Variants in GPBP1 observed in about 807,000 individuals in gnomAD.
GPBP1 encodes the protein GC-rich promoter binding protein 1.
A neutral mutation model predicts 56.5 loss-of-function variants in GPBP1; 13 were observed. That is an observed-to-expected ratio of 0.23 (90% confidence interval 0.15 to 0.37). The LOEUF is 0.37. Among genes scored for constraint, GPBP1 ranks in the 10% least tolerant of loss-of-function variants. The probability of loss-of-function intolerance (pLI) is 1.00; values close to 1 mark genes in which losing one functional copy is unlikely to be tolerated. For missense variants in GPBP1, 477 were observed against 572.3 expected (o/e 0.83, Z 1.70); for synonymous variants, 204 against 188.9 (o/e 1.08, Z -0.66).
intron 2 of GPBP1, among the ~76,000 whole-genome samples, chr5:57,184,126 G>A (rs913586864): frequency 7.2e-5 from 11 of 151,970 alleles, no homozygotes; most frequent in Non-Finnish European, 4.4e-5. Flanking sequence ...CAGCTACTTG[G>A]GAGGCTGAGG....
intron 8 of GPBP1, 146 bp from the exon 9 acceptor site, chr5:57,249,263 G>T (rs1246999011): frequency 1.8e-6 from 1 of 542,718 alleles, no homozygotes; most frequent in East Asian, 3.2e-5. Flanking sequence ...GAAAAAACAG[G>T]GATAGAACTA....
intron 2 of GPBP1, among the ~76,000 whole-genome samples, chr5:57,212,408 G>A (rs1246402780): frequency 6.6e-6 from 1 of 152,062 alleles, no homozygotes; most frequent in African/African-American, 2.4e-5. Context: ...GACATTTAAT[G>A]CCAATAGAAA....
At position 57,251,011 on chromosome 5, in the gene GPBP1, A is replaced by C. The variant is rs1299187023; in HGVS notation, c.1030A>C (p.Asn344His). The change falls in exon 10 of 12, where the codon AAC (asparagine) becomes CAC (histidine). Residue 344 changes from asparagine to histidine, a missense_variant. Coordinates refer to ENST00000506184, the MANE Select transcript of GPBP1 (RefSeq NM_022913.4). ...TAGTACTCACCAAGAAAGGGATATAAACCGAAACTTCGATGAAAATGAAAT... is the reference window on the plus strand; with the variant it reads ...TAGTACTCACCAAGAAAGGGATATACACCGAAACTTCGATGAAAATGAAAT... ...SNSTHQERDI[N>H]RNFDENEIPQ... is the part of the protein sequence containing the mutation. 6.2e-7 allele frequency: 1 copy of C among 1,613,070 alleles called. No individual in the cohort carries two copies. Among genetic ancestry groups the C allele is most frequent in the Non-Finnish European group, 8.5e-7 (1 of 1,179,512 alleles).
Position 57,246,444 on chromosome 5 carries a change from A to G in GPBP1, c.623A>G (p.Tyr208Cys). Reference sequence around the variant, plus strand: ...AAGAATGGAACTGGTCCAAGTGTTTATAAAGGTTTAGTCCCTAAACCTGCT... The same window carrying G: ...AAGAATGGAACTGGTCCAAGTGTTTGTAAAGGTTTAGTCCCTAAACCTGCT... ...PVKNGTGPSV[Y>C]KGLVPKPAAP... The change falls in exon 7 of 12, where the codon TAT becomes TGT. Residue 208 changes from tyrosine (Y) to cysteine (C), a missense_variant. This residue lies in a region of GPBP1 where 414 missense variants were observed against 458.2 expected (regional missense o/e 0.90). Coordinates refer to ENST00000506184, the MANE Select transcript of GPBP1 (RefSeq NM_022913.4). 1.2e-6 allele frequency: 2 copies of G among 1,613,182 alleles called. No homozygotes were observed. Among genetic ancestry groups the G allele is most frequent in the Non-Finnish European group, 1.7e-6 (2 of 1,179,600 alleles).
chr5:57,202,769 C>G (rs933071554), intron 2 of GPBP1, among the ~76,000 whole-genome samples: 4 of 152,196 alleles, frequency 2.6e-5, no homozygotes, highest in Non-Finnish European at 4.4e-5. Context: ...CAGGAATGCC[C>G]TCTCTTATGC....
At chr5:57,235,547 C>T (rs1412866640) in intron 5 of GPBP1, among the ~76,000 whole-genome samples, 1 of 151,988 alleles carries the variant, frequency 6.6e-6, no homozygotes, top group Non-Finnish European at 1.5e-5. Flanking sequence ...GAAACTTAAA[C>T]ACACTCTTGT....
chr5:57,250,310 T>C (rs1457049152), intron 9 of GPBP1, among the ~76,000 whole-genome samples: 2 of 151,366 alleles, frequency 1.3e-5, no homozygotes, highest in Non-Finnish European at 2.9e-5. Flanking sequence ...GGCCATGACT[T>C]CATTTCTAAA....
intron 2 of GPBP1, among the ~76,000 whole-genome samples, chr5:57,182,777 A>G (rs766430321): frequency 4.8e-5 from 7 of 146,088 alleles, no homozygotes; most frequent in Non-Finnish European, 7.6e-5. Flanking sequence ...TCGACCTCCT[A>G]GGCTCAAGCA....
Position 57,219,078 on chromosome 5 carries a change from T to TA in GPBP1, c.63+4891dup, listed in dbSNP as rs755517180. 9.5e-4 allele frequency among the ~76,000 whole-genome samples: 145 copies of TA among 151,954 alleles called. 1 individual carries two copies. Among genetic ancestry groups the TA allele is most frequent in the Admixed American group, 1.6e-3 (25 of 15,230 alleles). ...AAAATGAGTAAAAATTCATAGACTG[T>TA]AAAAAAGGGATTTGAGGCCGGGCGT... is the stretch of plus-strand genomic sequence containing the variant. On this transcript the variant is annotated intron_variant, in intron 3 of 11. Transcript: ENST00000506184.
chr5:57,208,969 G>C (rs567420405), intron 2 of GPBP1, among the ~76,000 whole-genome samples: 2 of 152,034 alleles, frequency 1.3e-5, no homozygotes, highest in African/African-American at 4.8e-5. Context: ...ATGTCTTTCT[G>C]TTTAGGTCTT....
At chr5:57,224,172 G>T (rs987456209) in intron 3 of GPBP1, among the ~76,000 whole-genome samples, 1 of 151,506 alleles carries the variant, frequency 6.6e-6, no homozygotes, top group Non-Finnish European at 1.5e-5. Flanking sequence ...CTAGAGACAG[G>T]GTCTCAGACT....
intron 2 of GPBP1, among the ~76,000 whole-genome samples, chr5:57,206,246 GTTTTC>G (rs1217671537): frequency 6.6e-6 from 1 of 151,534 alleles, no homozygotes; most frequent in African/African-American, 2.4e-5. Flanking sequence ...TTCAGTTTTT[GTTTTC>G]TTTTTTTAAT....
At chr5:57,177,965 G>T (rs960635613) in intron 2 of GPBP1, among the ~76,000 whole-genome samples, 8 of 151,824 alleles carry the variant, frequency 5.3e-5, no homozygotes, top group Non-Finnish European at 1.0e-4. Flanking sequence ...CTCTGAAATT[G>T]ATATTAGAGA....
intron 10 of GPBP1, among the ~76,000 whole-genome samples, chr5:57,252,789 C>T (rs1213624816): frequency 2.0e-5 from 3 of 151,654 alleles, no homozygotes; most frequent in African/African-American, 4.9e-5. Flanking sequence ...TGGCTCACTG[C>T]CACCTCACCT....
chr5:57,181,598 AAAAG>A (rs953382933), intron 2 of GPBP1, among the ~76,000 whole-genome samples: 14 of 150,990 alleles, frequency 9.3e-5, no homozygotes, highest in African/African-American at 3.2e-4. Flanking sequence ...ACATTTAAAA[AAAAG>A]GTGGGGGGGC....
chr5:57,261,346 T>C (rs1360800238), intron 11 of GPBP1, 64 bp downstream of exon 11: 13 of 883,556 alleles, frequency 1.5e-5, no homozygotes, highest in Non-Finnish European at 2.5e-5. Flanking sequence ...AATATAATTA[T>C]ATGTAAGCAT....
chr5:57,216,034 G>T (rs1165932064), intron 3 of GPBP1, among the ~76,000 whole-genome samples: 5 of 152,168 alleles, frequency 3.3e-5, no homozygotes, highest in Admixed American at 1.3e-4. Context: ...CTGAATCTGA[G>T]TTTTTCCAGT....
chr5:57,219,301 G>A (rs181218525), intron 3 of GPBP1, among the ~76,000 whole-genome samples: 76 of 145,312 alleles, frequency 5.2e-4, no homozygotes, highest in South Asian at 3.5e-3. Flanking sequence ...GCTTGAACCC[G>A]GGAGGCAGAG....
intron 11 of GPBP1, among the ~76,000 whole-genome samples, chr5:57,262,001 C>CT (rs1304834883): frequency 6.6e-6 from 1 of 152,222 alleles, no homozygotes; most frequent in African/African-American, 2.4e-5. Context: ...CTTGCCTCAG[C>CT]TTCCTGAGCA....
Sources: allele counts gnomAD v4.1 joint callset (sites outside exome capture counted in the v4.1 genomes callset), GRCh38; gene constraint gnomAD v4.1.1; regional missense constraint gnomAD v4.1.1; transcripts MANE v1.5; gene names NCBI Gene and HGNC (gene_info 2026-07-23, HGNC 2026-07-21).